Variants in TADA2A observed in about 807,000 individuals in gnomAD.
The protein encoded by TADA2A is transcriptional adapter 2-alpha.
In TADA2A, 38 loss-of-function variants were observed where a neutral mutation model predicts 67.4. The observed-to-expected ratio is 0.56, with a 90% confidence interval of 0.44 to 0.74. The LOEUF (loss-of-function observed/expected upper bound fraction) is 0.74. Among genes scored for constraint, TADA2A ranks in the 30% least tolerant of loss-of-function variants. TADA2A has a pLI of 0.00. For missense variants in TADA2A, 454 were observed against 547.0 expected, an observed-to-expected ratio of 0.83 and a Z score of 1.70; for synonymous variants, 192 against 181.6, an observed-to-expected ratio of 1.06 and a Z score of -0.46.
chr17:37,443,289 T>C (rs1334181307), intron 7 of TADA2A, among the ~76,000 whole-genome samples: 1 of 151,932 alleles, frequency 6.6e-6, no homozygotes, highest in African/African-American at 2.4e-5. Flanking sequence ...TTTTTGCTCT[T>C]GTTGCCCAGG....
chr17:37,428,748 TAAA>T (rs1457222006), intron 4 of TADA2A, among the ~76,000 whole-genome samples: 6 of 152,068 alleles, frequency 3.9e-5, no homozygotes, highest in Non-Finnish European at 8.8e-5. Context: ...CTGGCTAATT[TAAA>T]AATTTTTTTT....
At chr17:37,475,610 C>T (rs1187957313) in intron 15 of TADA2A, among the ~76,000 whole-genome samples, 1 of 152,010 alleles carries the variant, frequency 6.6e-6, no homozygotes, top group Non-Finnish European at 1.5e-5. Flanking sequence ...GGACTACAGG[C>T]GCATACCACC....
intron 2 of TADA2A, among the ~76,000 whole-genome samples, chr17:37,413,154 T>G (rs1213215162): frequency 1.3e-5 from 2 of 152,180 alleles, no homozygotes; most frequent in Non-Finnish European, 1.5e-5. Context: ...CTTGAACTCC[T>G]GACCTCAGGT....
chr17:37,440,364 C>T, intron 5 of TADA2A, 141 bp from the exon 6 acceptor site: 2 of 948,760 alleles, frequency 2.1e-6, no homozygotes, highest in East Asian at 2.6e-5. Flanking sequence ...CATTTTTCTG[C>T]TGATATCTTT....
chr17:37,468,621 CCT>C (rs2148039988), intron 12 of TADA2A, among the ~76,000 whole-genome samples: 1 of 152,138 alleles, frequency 6.6e-6, no homozygotes, highest in South Asian at 2.1e-4. Flanking sequence ...CCCGCCTAGG[CCT>C]CTCAGAGTGC....
chr17:37,419,697 G>C (rs1054660883), intron 2 of TADA2A, among the ~76,000 whole-genome samples: 7 of 143,688 alleles, frequency 4.9e-5, no homozygotes, highest in Non-Finnish European at 1.1e-4. Context: ...AGAATTGCTT[G>C]AACGTGGGAG....
intron 11 of TADA2A, among the ~76,000 whole-genome samples, chr17:37,465,810 A>G (rs1163769301): frequency 6.6e-6 from 1 of 152,108 alleles, no homozygotes; most frequent in African/African-American, 2.4e-5. Flanking sequence ...TCAAATATAT[A>G]TAGAAGTAGA....
chr17:37,412,934 C>T (rs967534056), intron 2 of TADA2A, among the ~76,000 whole-genome samples: 11 of 151,858 alleles, frequency 7.2e-5, no homozygotes, highest in Non-Finnish European at 5.9e-5. Context: ...TTCAACAATT[C>T]GTGTTTTTTT....
At chr17:37,432,709 ATACC>A (rs2052605728) in intron 4 of TADA2A, among the ~76,000 whole-genome samples, 1 of 152,200 alleles carries the variant, frequency 6.6e-6, no homozygotes, top group Non-Finnish European at 1.5e-5. Context: ...TTTTGGATAA[ATACC>A]TAGGAGTGAA....
At chr17:37,473,114 CA>C (rs998599502) in intron 14 of TADA2A, among the ~76,000 whole-genome samples, 4 of 144,198 alleles carry the variant, frequency 2.8e-5, no homozygotes, top group African/African-American at 7.6e-5. Context: ...TGAATGCCAC[CA>C]AACCTGGAGA....
At chr17:37,459,513 C>A (rs994451133) in intron 9 of TADA2A, among the ~76,000 whole-genome samples, 1 of 151,162 alleles carries the variant, frequency 6.6e-6, no homozygotes, top group Non-Finnish European at 1.5e-5. Flanking sequence ...GAACTCCCCA[C>A]CTTAAGTGAT....
At chr17:37,443,552 C>T (rs1217830736) in intron 7 of TADA2A, among the ~76,000 whole-genome samples, 4 of 152,172 alleles carry the variant, frequency 2.6e-5, no homozygotes, top group Admixed American at 1.3e-4. Context: ...CTGCACCTGG[C>T]TTGTAGTCTG....
intron 8 of TADA2A, among the ~76,000 whole-genome samples, chr17:37,455,211 A>G (rs2053351776): frequency 6.6e-6 from 1 of 152,028 alleles, no homozygotes; most frequent in Non-Finnish European, 1.5e-5. Context: ...GTGAGAAGAA[A>G]GGTTTAATGT....
chr17:37,425,529 A>G (rs2052379247), intron 3 of TADA2A, among the ~76,000 whole-genome samples: 1 of 152,348 alleles, frequency 6.6e-6, no homozygotes, highest in East Asian at 1.9e-4. Flanking sequence ...ACCATATTTT[A>G]TCAGATCTAA....
At chr17:37,458,497 A>G in intron 8 of TADA2A, 27 bp from the exon 9 acceptor site, 4 of 1,535,588 alleles carry the variant, frequency 2.6e-6, no homozygotes, top group Non-Finnish European at 3.6e-6. Context: ...ATATGTATAT[A>G]TAGTATATGT....
At chr17:37,413,745 TC>T (rs201640503) in intron 2 of TADA2A, among the ~76,000 whole-genome samples, 38 of 151,238 alleles carry the variant, frequency 2.5e-4, no homozygotes, top group African/African-American at 5.6e-4. Context: ...AAAAGATGAT[TC>T]CCCCCCCACC....
chr17:37,467,068 G>C (rs2053679781), intron 11 of TADA2A, among the ~76,000 whole-genome samples: 1 of 152,082 alleles, frequency 6.6e-6, no homozygotes, highest in African/African-American at 2.4e-5. Flanking sequence ...GAGGCAGGGG[G>C]AATTGCTTGA....
intron 4 of TADA2A, 104 bp from the exon 5 acceptor site, chr17:37,437,634 G>A (rs964396744): frequency 1.2e-5 from 11 of 944,896 alleles, no homozygotes; most frequent in East Asian, 5.0e-5. Flanking sequence ...TGATCCGCCC[G>A]CCTCCGCCTT....
At chr17:37,446,527 G>C (rs572173699) in intron 8 of TADA2A, among the ~76,000 whole-genome samples, 1 of 151,840 alleles carries the variant, frequency 6.6e-6, no homozygotes, top group South Asian at 2.1e-4. Flanking sequence ...ACTTTGGGAG[G>C]CCGAGGCTGG....
Sources: allele counts gnomAD v4.1 joint callset (sites outside exome capture counted in the v4.1 genomes callset), GRCh38; gene constraint gnomAD v4.1.1; transcripts MANE v1.5; gene names NCBI Gene and HGNC (gene_info 2026-07-23, HGNC 2026-07-21).